Variants in EOGT observed in about 807,000 individuals in gnomAD.
The protein encoded by EOGT is EGF domain-specific O-linked N-acetylglucosamine transferase.
A neutral mutation model predicts 70.5 loss-of-function variants in EOGT; 55 were observed. That is an observed-to-expected ratio of 0.78 (90% CI 0.63 to 0.98). The LOEUF (loss-of-function observed/expected upper bound fraction) is 0.98. EOGT is among the 50% of genes least tolerant of loss of function. EOGT has a pLI of 0.00. For missense variants in EOGT, 703 were observed against 641.9 expected (o/e 1.10, Z -1.03); for synonymous variants, 246 against 217.1 (o/e 1.13, Z -1.17).
At chr3:68,978,763 C>A (rs2090548366) in intron 16 of EOGT, among the ~76,000 whole-genome samples, 1 of 152,120 alleles carries the variant, frequency 6.6e-6, no homozygotes, top group Admixed American at 6.5e-5. Context: ...GGTAACACTT[C>A]CAAGGTCATA....
At position 68,977,571 on chromosome 3, in the gene EOGT, T is replaced by C. The variant is rs377246248; in HGVS notation, c.*47A>G. ...TTACTGATTTAATTCTAAGTCTGGG[T>C]GTTGGAGTGTTTAAACACTCTCTTT... is the stretch of plus-strand genomic sequence containing the variant. On this transcript the variant is annotated 3_prime_UTR_variant, in exon 18 of 18. Coordinates refer to ENST00000383701, the MANE Select transcript of EOGT (RefSeq NM_001278689.2). 4 of 1,587,580 alleles carry C rather than the reference T, an allele frequency of 2.5e-6. No homozygotes were observed. The African/African-American group carries it at 5.4e-5, about 21-fold the overall frequency.
chr3:69,012,171 C>T (rs555454536), intron 2 of EOGT, among the ~76,000 whole-genome samples, 180 bp from the exon 3 acceptor site: 2 of 152,262 alleles, frequency 1.3e-5, no homozygotes, highest in Middle Eastern at 3.4e-3. Flanking sequence ...CTGCTATACT[C>T]GAGTTCACAG....
At position 68,988,005 on chromosome 3, in the gene EOGT, C is replaced by T. The variant is rs1383051125; in HGVS notation, c.1083+290G>A. 1.2e-5 allele frequency: 5 copies of T among 416,610 alleles called. No individual in the cohort carries two copies. In the South Asian group the frequency reaches 1.6e-4, roughly 13 times the overall value. 25.8% of individuals were successfully genotyped at this position (416,610 alleles called of 1,614,324 possible). A position where few individuals can be genotyped will look rare whatever the true frequency, so the allele number is the denominator to read the frequency against. ...TCTTGGCTCACTGCAGCCTCTGCCT[C>T]CTGGGTTCAAGCGATTCTCATGCCC... On this transcript the variant is annotated intron_variant, in intron 13 of 17. Transcript: ENST00000383701.
intron 17 of EOGT, 47 bp from the exon 18 acceptor site, chr3:68,977,811 G>A (rs1297049822): frequency 6.4e-7 from 1 of 1,562,098 alleles, no homozygotes; most frequent in African/African-American, 1.4e-5. Flanking sequence ...ATGAGGGCAT[G>A]GTTTTCTCTA....
intron 6 of EOGT, among the ~76,000 whole-genome samples, chr3:69,007,507 C>CGGGGCGGGGGG (rs1553673402): frequency 4.0e-5 from 1 of 24,782 alleles, no homozygotes; most frequent in Non-Finnish European, 9.6e-5. Context: ...TAAAAATTAG[C>CGGGGCGGGGGG]GGGGGGGGGT....
intron 9 of EOGT, 115 bp downstream of exon 9, chr3:69,001,493 A>C (rs1358626407): frequency 1.6e-6 from 1 of 634,686 alleles, no homozygotes; most frequent in African/African-American, 1.9e-5. Context: ...CAAAAAAAAC[A>C]AATCTACTGT....
chr3:69,007,611 C>T (rs2091471126), intron 6 of EOGT, 102 bp downstream of exon 6: 1 of 593,522 alleles, frequency 1.7e-6, no homozygotes, highest in Non-Finnish European at 2.8e-6. Flanking sequence ...GGGATCGCGC[C>T]ACTGCACTCC....
chr3:68,993,793 G>A (rs1181575636), intron 10 of EOGT, among the ~76,000 whole-genome samples: 1 of 152,142 alleles, frequency 6.6e-6, no homozygotes, highest in African/African-American at 2.4e-5. Flanking sequence ...CATAGTGGGA[G>A]GTAAAGGCAC....
At chr3:68,993,179 G>C (rs1389818215) in intron 10 of EOGT, among the ~76,000 whole-genome samples, 1 of 152,206 alleles carries the variant, frequency 6.6e-6, no homozygotes, top group African/African-American at 2.4e-5. Context: ...TCCCCAGAAA[G>C]TTGGTTTTTA....
chr3:68,988,029 C>G (rs2090866427), intron 13 of EOGT, among the ~76,000 whole-genome samples: 1 of 152,194 alleles, frequency 6.6e-6, no homozygotes, highest in African/African-American at 2.4e-5. Flanking sequence ...ATTCTCATGC[C>G]CCAGCCTCCT....
At chr3:69,006,979 C>G (rs2091451774) in intron 6 of EOGT, among the ~76,000 whole-genome samples, 1 of 152,172 alleles carries the variant, frequency 6.6e-6, no homozygotes, top group Non-Finnish European at 1.5e-5. Flanking sequence ...CGAGATAACA[C>G]ACAGAAAAGC....
chr3:69,004,929 G>A (rs1027169790), intron 7 of EOGT, among the ~76,000 whole-genome samples: 7 of 151,948 alleles, frequency 4.6e-5, no homozygotes, highest in East Asian at 1.9e-4. Context: ...CAAGCCTGGC[G>A]GTGCGCTTCT....
In EOGT at chr3:68,987,482, C is replaced by T. The variant is rs1304451617; in HGVS notation, c.1115G>A (p.Arg372Gln). Residue 372 changes from arginine to glutamine, a missense_variant, in exon 14 of 18, where the codon CGG (arginine) becomes CAG (glutamine). Arg to Gln is a conservative substitution (Grantham distance 43, BLOSUM62 1). Coordinates refer to ENST00000383701, the MANE Select transcript of EOGT (RefSeq NM_001278689.2). ...DGKIRVTILA[R>Q]STEYRKILNQ... ...AAGGATTTTCCGGTATTCTGTGCTCCGTGCAAGAATGGTGACTCGAATTTT... is the reference window on the plus strand; with the variant it reads ...AAGGATTTTCCGGTATTCTGTGCTCTGTGCAAGAATGGTGACTCGAATTTT... The T allele has an allele frequency of 1.5e-5, 25 of 1,613,696 alleles. No homozygotes were observed. Among genetic ancestry groups the T allele is most frequent in the South Asian group, 3.3e-5 (3 of 91,040 alleles).
chr3:68,996,783 G>A (rs536436936), intron 10 of EOGT, among the ~76,000 whole-genome samples: 9 of 152,330 alleles, frequency 5.9e-5, no homozygotes, highest in South Asian at 2.1e-4. Flanking sequence ...ACCAAGAGCC[G>A]AGCATATGAG....
At position 68,989,433 on chromosome 3, in the gene EOGT, A is replaced by G. The variant is rs146355629; in HGVS notation, c.832-416T>C. The stretch of plus-strand genomic sequence containing the variant: ...TGAAAAATCTTTGGAAAAAAATTTC[A>G]GAGCAAGAAAATGGGTTCAAAGTTT... On this transcript the variant is annotated intron_variant, in intron 10 of 17. Transcript: ENST00000383701. Among the ~76,000 whole-genome samples, 1,263 of 152,170 alleles carry G rather than the reference A, an allele frequency of 8.3e-3. 15 individuals carry two copies. Among genetic ancestry groups the G allele is most frequent in the South Asian group, 0.039 (187 of 4,826 alleles).
At chr3:68,979,813 A>C (rs2090584280) in intron 15 of EOGT, 26 bp from the exon 16 acceptor site, 2 of 1,609,080 alleles carry the variant, frequency 1.2e-6, no homozygotes, top group Middle Eastern at 1.7e-4. Context: ...ATAACATGAG[A>C]GAGATGGGGA....
intron 3 of EOGT, among the ~76,000 whole-genome samples, chr3:69,010,677 TAAATA>T (rs1199668964): frequency 2.6e-5 from 4 of 152,202 alleles, no homozygotes; most frequent in Non-Finnish European, 5.9e-5. Flanking sequence ...AAATGTTTAT[TAAATA>T]AAAGTTTAAA....
intron 3 of EOGT, among the ~76,000 whole-genome samples, chr3:69,010,762 T>TA (rs2091555572): frequency 6.6e-6 from 1 of 152,194 alleles, no homozygotes; most frequent in African/African-American, 2.4e-5. Context: ...AGGGGAAAAG[T>TA]ATCTGTGAGA....
rs992149156 is a variant in EOGT at position 69,009,254 on chromosome 3, G to T, written c.210+383C>A. On this transcript the variant is annotated intron_variant, in intron 4 of 17. Transcript: ENST00000383701. Reference sequence around the variant, plus strand: ...CAGGCTTAATTATGTGGAGACAGAGGCTGAGGTGTTATTACTGAAATTAAG... The same window carrying T: ...CAGGCTTAATTATGTGGAGACAGAGTCTGAGGTGTTATTACTGAAATTAAG... 1.8e-4 allele frequency among the ~76,000 whole-genome samples: 27 copies of T among 152,200 alleles called. 1 individual carries two copies. The highest frequency in any genetic ancestry group is 1.5e-5 in the Non-Finnish European group (1 of 68,036).
Sources: allele counts gnomAD v4.1 joint callset (sites outside exome capture counted in the v4.1 genomes callset), GRCh38; gene constraint gnomAD v4.1.1; transcripts MANE v1.5; gene names NCBI Gene and HGNC (gene_info 2026-07-23, HGNC 2026-07-21).